The following SMARCAL1 variants were observed in gnomAD, a reference collection of about 807,000 sequenced individuals.
The protein encoded by SMARCAL1 is SNF2 related chromatin remodeling annealing helicase 1.
A neutral mutation model predicts 94.5 loss-of-function variants in SMARCAL1; 58 were observed. That is an observed-to-expected ratio of 0.61 (90% CI 0.50 to 0.76). The LOEUF (loss-of-function observed/expected upper bound fraction) is 0.76. SMARCAL1 is among the 30% of genes least tolerant of loss of function. The pLI is 0.00. For missense variants in SMARCAL1, 1,051 were observed against 1,177.9 expected, an observed-to-expected ratio of 0.89 and a Z score of 1.58; for synonymous variants, 422 against 455.1, an observed-to-expected ratio of 0.93 and a Z score of 0.93.
chr2:216,417,010 T>G (rs1693617405), intron 4 of SMARCAL1, among the ~76,000 whole-genome samples: 1 of 152,242 alleles, frequency 6.6e-6, no homozygotes, highest in African/African-American at 2.4e-5. Context: ...CAGCCCTGTG[T>G]GTTTTCATCT....
At chr2:216,477,723 C>G (rs915351749) in intron 16 of SMARCAL1, among the ~76,000 whole-genome samples, 2 of 152,086 alleles carry the variant, frequency 1.3e-5, no homozygotes, top group South Asian at 4.1e-4. Flanking sequence ...CTGTCTGTTA[C>G]CTAAGTGAAA....
chr2:216,423,338 G>A (rs1288176813), intron 5 of SMARCAL1, among the ~76,000 whole-genome samples: 2 of 152,204 alleles, frequency 1.3e-5, no homozygotes, highest in Non-Finnish European at 2.9e-5. Flanking sequence ...GTCACTCAGG[G>A]CATTTCTGAC....
chr2:216,481,440 C>T (rs1286132990), intron 17 of SMARCAL1, among the ~76,000 whole-genome samples: 2 of 151,792 alleles, frequency 1.3e-5, no homozygotes, highest in African/African-American at 2.4e-5. Flanking sequence ...AGATGATCCC[C>T]CCGCCTCGGC....
chr2:216,455,514 C>T (rs1228129313), intron 12 of SMARCAL1, among the ~76,000 whole-genome samples: 4 of 152,308 alleles, frequency 2.6e-5, no homozygotes, highest in Admixed American at 6.5e-5. Flanking sequence ...TCCAGAAGAA[C>T]GATCAGGCAG....
At chr2:216,464,245 A>G (rs1559135496) in intron 12 of SMARCAL1, among the ~76,000 whole-genome samples, 2 of 152,192 alleles carry the variant, frequency 1.3e-5, no homozygotes, top group African/African-American at 4.8e-5. Context: ...GTAAATAGGT[A>G]TGCTTAGCCA....
chr2:216,428,791 T>G lies in SMARCAL1; in HGVS notation c.1334+9T>G. 6.2e-7 allele frequency: 1 copy of G among 1,612,226 alleles called. No homozygotes were observed. The highest frequency in any genetic ancestry group is 8.5e-7 in the Non-Finnish European group (1 of 1,178,260). On this transcript the variant is annotated intron_variant, in intron 7 of 17. Transcript: ENST00000357276. ...CAGAGAGCTGGAGTCAAGTAGGTTC[T>G]TGATCTTCCTCTCTCTTCCTCTGTT...
chr2:216,459,665 A>G (rs1694652446), intron 12 of SMARCAL1, among the ~76,000 whole-genome samples: 1 of 152,044 alleles, frequency 6.6e-6, no homozygotes, highest in Admixed American at 6.6e-5. Context: ...CCTTCCTTAC[A>G]CCTTATACAA....
chr2:216,415,943 C>G, intron 3 of SMARCAL1: 1 of 420,516 alleles, frequency 2.4e-6, no homozygotes, highest in Non-Finnish European at 4.4e-6. Flanking sequence ...CAGGCCAGAG[C>G]CATTACTCCT....
intron 7 of SMARCAL1, among the ~76,000 whole-genome samples, chr2:216,429,075 C>T (rs1693904077): frequency 6.6e-6 from 1 of 152,256 alleles, no homozygotes; most frequent in Admixed American, 6.5e-5. Context: ...AATCCAGCAT[C>T]TCTAAAGATC....
intron 12 of SMARCAL1, among the ~76,000 whole-genome samples, chr2:216,456,376 T>C (rs1316633664): frequency 6.6e-6 from 1 of 151,970 alleles, no homozygotes; most frequent in East Asian, 1.9e-4. Context: ...GAAGAGCAAC[T>C]CCAAGACACA....
At chr2:216,474,583 C>T (rs112975081) in intron 14 of SMARCAL1, among the ~76,000 whole-genome samples, 14,826 of 151,394 alleles carry the variant, frequency 0.098, 873 homozygotes, top group South Asian at 0.18. Flanking sequence ...AGTGGAACCA[C>T]GCCTCTACTA....
At chr2:216,437,071 A>AGAAAT in intron 9 of SMARCAL1, among the ~76,000 whole-genome samples, 1 of 152,190 alleles carries the variant, frequency 6.6e-6, no homozygotes, top group East Asian at 1.9e-4. Context: ...TTTCTTTCAG[A>AGAAAT]GAAATGTTGT....
intron 15 of SMARCAL1, 78 bp from the exon 16 acceptor site, chr2:216,477,031 G>T: frequency 8.7e-7 from 1 of 1,148,722 alleles, no homozygotes; most frequent in Non-Finnish European, 1.3e-6. Context: ...GAAATGGGGT[G>T]GAGAGGAACC....
chr2:216,435,302 G>C (rs1397385858), intron 8 of SMARCAL1, 36 bp from the exon 9 acceptor site: 1 of 1,612,238 alleles, frequency 6.2e-7, no homozygotes, highest in Non-Finnish European at 8.5e-7. Flanking sequence ...TGTGCTGGGT[G>C]GTCATTGTAG....
At chr2:216,427,888 A>G (rs1693871455) in intron 6 of SMARCAL1, among the ~76,000 whole-genome samples, 3 of 152,250 alleles carry the variant, frequency 2.0e-5, no homozygotes, top group South Asian at 4.1e-4. Context: ...TGTATGAAAT[A>G]GAGAACCAGC....
intron 17 of SMARCAL1, among the ~76,000 whole-genome samples, chr2:216,480,865 A>G (rs1695179286): frequency 6.6e-6 from 1 of 152,206 alleles, no homozygotes; most frequent in South Asian, 2.1e-4. Context: ...AAAAATCTTT[A>G]AAGGAGAGCC....
intron 7 of SMARCAL1, 30 bp downstream of exon 7, chr2:216,428,812 C>T (rs374667377): frequency 5.0e-5 from 79 of 1,595,528 alleles, no homozygotes; most frequent in Non-Finnish European, 6.7e-5. Flanking sequence ...CTCTCTTCCT[C>T]TGTTGCTCAA....
chr2:216,445,180 G>C (rs1694281910), intron 10 of SMARCAL1, among the ~76,000 whole-genome samples: 1 of 152,150 alleles, frequency 6.6e-6, no homozygotes, highest in African/African-American at 2.4e-5. Context: ...CAGAAGTGGA[G>C]GGTGACATAT....
intron 7 of SMARCAL1, 53 bp downstream of exon 7, chr2:216,428,835 A>G: frequency 2.0e-6 from 3 of 1,474,816 alleles, no homozygotes; most frequent in South Asian, 2.3e-5. Context: ...TTCATTACTC[A>G]CCACAGACTG....
Sources: allele counts gnomAD v4.1 joint callset (sites outside exome capture counted in the v4.1 genomes callset), GRCh38; gene constraint gnomAD v4.1.1; transcripts MANE v1.5; gene names NCBI Gene and HGNC (gene_info 2026-07-23, HGNC 2026-07-21).